The following KIF21A variants were observed in gnomAD, a reference collection of about 807,000 sequenced individuals.
The protein encoded by KIF21A is kinesin-like protein KIF21A.
In KIF21A, 114 loss-of-function variants were observed where a neutral mutation model predicts 202.9. That is an observed-to-expected ratio of 0.56 (90% CI 0.48 to 0.66). KIF21A has a LOEUF of 0.66. KIF21A is among the 30% of genes least tolerant of loss of function. KIF21A has a pLI of 0.00. For synonymous variants in KIF21A, 667 were observed against 670.8 expected, an observed-to-expected ratio of 0.99 and a Z score of 0.09; for missense variants, 1,677 against 1,994.9, an observed-to-expected ratio of 0.84 and a Z score of 3.04.
At position 39,414,202 on chromosome 12, in the gene KIF21A, T is replaced by C. The variant is rs138509813; in HGVS notation, c.44+28725A>G. Among the ~76,000 whole-genome samples the C allele has an allele frequency of 9.6e-4, 146 of 152,328 alleles. 3 individuals carry two copies. The East Asian group carries it at 0.026, about 27-fold the overall frequency. On this transcript the variant is annotated intron_variant, in intron 1 of 37. Transcript: ENST00000361418. ...GAATTAGGCATAATTATTCTTGCTG[T>C]TATCAGGAATGGTCATATAAAGATT...
intron 12 of KIF21A, among the ~76,000 whole-genome samples, chr12:39,344,531 C>A (rs1018557730): frequency 6.6e-6 from 1 of 152,148 alleles, no homozygotes; most frequent in Non-Finnish European, 1.5e-5. Flanking sequence ...TACAGCCATA[C>A]AACCACCTTA....
intron 37 of KIF21A, among the ~76,000 whole-genome samples, chr12:39,296,183 C>A (rs1171280531): frequency 6.6e-6 from 1 of 151,494 alleles, no homozygotes; most frequent in Non-Finnish European, 1.5e-5. Flanking sequence ...ATTCTCCTGC[C>A]TCAGCCTCCT....
intron 1 of KIF21A, among the ~76,000 whole-genome samples, chr12:39,403,439 G>A (rs1437201920): frequency 6.6e-6 from 1 of 152,132 alleles, no homozygotes; most frequent in African/African-American, 2.4e-5. Context: ...ATTTAAAAAT[G>A]TACACACACT....
Position 39,311,446 on chromosome 12 carries a change from G to A in KIF21A, c.4067C>T (p.Thr1356Ile), listed in dbSNP as rs980462939. 6.9e-5 allele frequency: 111 copies of A among 1,613,046 alleles called. No individual in the cohort carries two copies. Among genetic ancestry groups the A allele is most frequent in the Non-Finnish European group, 9.3e-5 (110 of 1,179,194 alleles). The change falls in exon 32 of 38, where the codon ACT (threonine) becomes ATT (isoleucine). Residue 1356 changes from threonine to isoleucine, a missense_variant. Physicochemically the swap from Thr to Ile is moderately conservative, Grantham distance 89. Around this residue, in one of 3 missense-constraint regions of KIF21A, gnomAD observed 705 missense variants for 791.9 expected, o/e 0.89. Coordinates refer to ENST00000361418, the MANE Select transcript of KIF21A (RefSeq NM_001173464.2). ...TGATCCAGTGAAGAGGAGATCATCAGTAGAATCCACACAGAGCACAGCTTT... is the reference window on the plus strand; with the variant it reads ...TGATCCAGTGAAGAGGAGATCATCAATAGAATCCACACAGAGCACAGCTTT... The part of the protein sequence containing the change: ...HTKAVLCVDS[T>I]DDLLFTGSKD...
At chr12:39,430,857 T>A (rs973530802) in intron 1 of KIF21A, among the ~76,000 whole-genome samples, 3 of 152,108 alleles carry the variant, frequency 2.0e-5, no homozygotes, top group African/African-American at 7.2e-5. Context: ...AGTGGCTTTG[T>A]AAGAAGAAGA....
chr12:39,326,300 T>G lies in KIF21A; in HGVS notation c.3365A>C (p.Glu1122Ala). Residue 1122 changes from glutamate (E) to alanine (A), a missense_variant, in exon 25 of 38, where the codon GAG (glutamate) becomes GCG (alanine). Physicochemically the swap from Glu to Ala is moderately radical, Grantham distance 107. Transcript: ENST00000361418. Reference sequence around the variant, plus strand: ...TCCTGGGCTGTTTAAAGGAGCATCCTCATCAGTACTATCCTCTACATTTTC... The same window carrying G: ...TCCTGGGCTGTTTAAAGGAGCATCCGCATCAGTACTATCCTCTACATTTTC... The part of the protein sequence containing the change: ...PLENVEDSTD[E>A]DAPLNSPGSE... 5.6e-6 allele frequency: 9 copies of G among 1,612,114 alleles called. No individual in the cohort carries two copies. Among genetic ancestry groups the G allele is most frequent in the Non-Finnish European group, 7.6e-6 (9 of 1,178,396 alleles).
chr12:39,311,372 T>TAAAA lies in KIF21A; in HGVS notation c.4096+41_4096+44dup, dbSNP rs78152306. On this transcript the variant is annotated intron_variant, in intron 32 of 37. Coordinates refer to ENST00000361418, the MANE Select transcript of KIF21A (RefSeq NM_001173464.2). ...AATATGTTAAAAATGTAATTTTTTT[T>TAAAA]AAAAAAAAAGCTATTAAATATCTGC... 2.8e-3 allele frequency: 4,213 copies of TAAAA among 1,520,586 alleles called. 58 individuals carry two copies. In the African/African-American group the frequency reaches 0.049, roughly 18 times the overall value. The allele number at this position is 1,520,586 out of a possible 1,614,324, so 94.2% of individuals were successfully genotyped here. A position where few individuals can be genotyped will look rare whatever the true frequency, so the allele number is the denominator to read the frequency against.
intron 1 of KIF21A, among the ~76,000 whole-genome samples, chr12:39,398,744 A>T (rs569203530): frequency 6.6e-6 from 1 of 152,324 alleles, no homozygotes; most frequent in African/African-American, 2.4e-5. Context: ...TAGAAAAGTA[A>T]TCAGTAAATA....
chr12:39,421,400 G>A (rs1285171962), intron 1 of KIF21A, among the ~76,000 whole-genome samples: 2 of 152,088 alleles, frequency 1.3e-5, no homozygotes, highest in Non-Finnish European at 2.9e-5. Flanking sequence ...TTAAAAATAT[G>A]ATAGGCAGAT....
At position 39,442,794 on chromosome 12, in the gene KIF21A, CTCAG is replaced by C. The variant is rs957459983; in HGVS notation, c.44+129_44+132del. On this transcript the variant is annotated intron_variant, in intron 1 of 37. Transcript: ENST00000361418. This position sits in a 1 kb window ranked among gnomAD's most constrained non-coding sequence, Gnocchi z 5.0. ...AGCGGGGACTCACTGCCTCAGTTTC[CTCAG>C]CCGCAGAACCCGGCCGGGACGCCCC... 4.3e-6 allele frequency: 5 copies of C among 1,174,130 alleles called. No homozygotes were observed. In the African/African-American group the frequency reaches 8.0e-5, roughly 19 times the overall value. 72.7% of individuals were successfully genotyped at this position (1,174,130 alleles called of 1,614,324 possible). A position where few individuals can be genotyped will look rare whatever the true frequency, so the allele number is the denominator to read the frequency against.
At chr12:39,381,296 G>C (rs1269998043) in intron 1 of KIF21A, among the ~76,000 whole-genome samples, 1 of 139,920 alleles carries the variant, frequency 7.1e-6, no homozygotes, top group Non-Finnish European at 1.5e-5. Context: ...AACTGAGCGA[G>C]ACTCTGTCTC....
chr12:39,377,931 T>A (rs985482055), intron 1 of KIF21A, among the ~76,000 whole-genome samples: 1 of 152,144 alleles, frequency 6.6e-6, no homozygotes, highest in Non-Finnish European at 1.5e-5. Flanking sequence ...TACTCTCTCA[T>A]CTCTATGTGG....
At chr12:39,409,525 A>G (rs74972084) in intron 1 of KIF21A, among the ~76,000 whole-genome samples, 3 of 106,358 alleles carry the variant, frequency 2.8e-5, no homozygotes, top group African/African-American at 4.0e-5. Context: ...CATGTCTCAG[A>G]AAAAAAAAAA....
At chr12:39,352,155 A>G (rs1948439559) in intron 10 of KIF21A, among the ~76,000 whole-genome samples, 175 bp from the exon 11 acceptor site, 1 of 152,004 alleles carries the variant, frequency 6.6e-6, no homozygotes, top group Admixed American at 6.6e-5. Context: ...TTATCTTCCC[A>G]TACTGAGACT....
At chr12:39,372,592 T>C (rs1351803366) in intron 1 of KIF21A, among the ~76,000 whole-genome samples, 5 of 152,170 alleles carry the variant, frequency 3.3e-5, no homozygotes, top group Non-Finnish European at 7.4e-5. Flanking sequence ...AAGATGGAAA[T>C]CATATTGTGT....
chr12:39,397,815 A>G (rs1381273450), intron 1 of KIF21A, among the ~76,000 whole-genome samples: 3 of 152,220 alleles, frequency 2.0e-5, no homozygotes, highest in Non-Finnish European at 2.9e-5. Flanking sequence ...TAGCAACTCA[A>G]GTGGTGGCAA....
chr12:39,346,645 G>C (rs1056640005), intron 11 of KIF21A, 141 bp from the exon 12 acceptor site: 20 of 477,850 alleles, frequency 4.2e-5, no homozygotes, highest in Non-Finnish European at 7.0e-5. Context: ...TATCATCAAA[G>C]GACAATACAC....
At chr12:39,361,160 A>G (rs1216000668) in intron 7 of KIF21A, among the ~76,000 whole-genome samples, 3 of 152,258 alleles carry the variant, frequency 2.0e-5, no homozygotes, top group Non-Finnish European at 4.4e-5. Context: ...TAAGGTAAGC[A>G]AACTTTCAAA....
chr12:39,305,283 T>C (rs1366713650), intron 34 of KIF21A, among the ~76,000 whole-genome samples: 1 of 150,856 alleles, frequency 6.6e-6, no homozygotes, highest in Non-Finnish European at 1.5e-5. Flanking sequence ...GGAGAATCGC[T>C]TGAATCTGGG....
Sources: allele counts gnomAD v4.1 joint callset (sites outside exome capture counted in the v4.1 genomes callset), GRCh38; gene constraint gnomAD v4.1.1; regional missense constraint gnomAD v4.1.1; non-coding constraint Gnocchi (gnomAD v3.1); transcripts MANE v1.5; gene names NCBI Gene and HGNC (gene_info 2026-07-23, HGNC 2026-07-21).